The following TNIP3 variants were observed in gnomAD, a reference collection of about 807,000 sequenced individuals.
The protein encoded by TNIP3 is TNFAIP3 interacting protein 3.
Under a neutral mutation model 54.1 loss-of-function variants are expected in TNIP3, and 34 were observed. The ratio of observed to expected loss-of-function variants is 0.63; its 90% confidence interval spans 0.48 to 0.84. The LOEUF (loss-of-function observed/expected upper bound fraction) is 0.84. TNIP3 is among the 40% of genes least tolerant of loss of function. TNIP3 has a pLI of 0.00. For synonymous variants in TNIP3, 134 were observed against 136.8 expected (o/e 0.98, Z 0.14); for missense variants, 366 against 387.6 (o/e 0.94, Z 0.47).
intron 3 of TNIP3, among the ~76,000 whole-genome samples, chr4:121,176,576 C>T (rs909048960): frequency 6.6e-6 from 1 of 151,264 alleles, no homozygotes; most frequent in African/African-American, 2.4e-5. Flanking sequence ...TGGTTTAGCA[C>T]TTTATATTTA....
upstream of TNIP3, among the ~76,000 whole-genome samples, chr4:121,218,443 G>A (rs919102808): frequency 3.3e-5 from 5 of 152,172 alleles, no homozygotes; most frequent in Non-Finnish European, 7.4e-5. Flanking sequence ...TATCCAGGAA[G>A]TAAAAATATT....
upstream of TNIP3, among the ~76,000 whole-genome samples, chr4:121,167,888 G>A (rs76809568): frequency 0.022 from 3,337 of 152,162 alleles, 79 homozygotes; most frequent in Admixed American, 0.036. Context: ...TTGCTTAATT[G>A]TCATCTCTGC....
chr4:121,206,538 T>TTGTGTGTGTGTGTG (rs140121953), intron 2 of TNIP3, among the ~76,000 whole-genome samples: 6,667 of 151,526 alleles, frequency 0.044, 498 homozygotes, highest in African/African-American at 0.15. Context: ...TTTGTATATA[T>TTGTGTGTGTGTGTG]TGTGTGTGTG....
chr4:121,223,242 C>A (rs980178752), intron 1 of TNIP3, among the ~76,000 whole-genome samples: 1 of 152,230 alleles, frequency 6.6e-6, no homozygotes, highest in Non-Finnish European at 1.5e-5. Flanking sequence ...CAGATGCTCA[C>A]CCGCTTGAAA....
intron 2 of TNIP3, among the ~76,000 whole-genome samples, chr4:121,212,078 G>A (rs7693320): frequency 0.081 from 12,374 of 152,168 alleles, 1,047 homozygotes; most frequent in African/African-American, 0.21. Flanking sequence ...AACACTTTCT[G>A]GCATACAGTA....
intron 10 of TNIP3, among the ~76,000 whole-genome samples, chr4:121,137,165 G>T (rs1354679940): frequency 6.6e-6 from 1 of 152,194 alleles, no homozygotes; most frequent in South Asian, 2.1e-4. Flanking sequence ...ACTAAATTCT[G>T]TACTAAGTAA....
intron 2 of TNIP3, among the ~76,000 whole-genome samples, chr4:121,184,887 C>G (rs1009092909): frequency 3.9e-5 from 6 of 152,158 alleles, no homozygotes; most frequent in African/African-American, 1.4e-4. Context: ...TTCCACAAAC[C>G]TGTGAGGAGG....
intron 1 of TNIP3, among the ~76,000 whole-genome samples, chr4:121,221,945 A>G (rs985742281): frequency 6.6e-6 from 1 of 152,190 alleles, no homozygotes; most frequent in Non-Finnish European, 1.5e-5. Context: ...TTGAGGACTG[A>G]ATCTAAAAAA....
chr4:121,192,562 A>G (rs1042792421), intron 2 of TNIP3, among the ~76,000 whole-genome samples: 3 of 152,172 alleles, frequency 2.0e-5, no homozygotes, highest in Non-Finnish European at 4.4e-5. Context: ...TCGAGCTTTA[A>G]AACAGTTCAT....
At chr4:121,220,319 G>T (rs1226836892), upstream of TNIP3, among the ~76,000 whole-genome samples, 15 of 152,066 alleles carry the variant, frequency 9.9e-5, 1 homozygote, top group Admixed American at 9.8e-4. Context: ...TCATTGCTAG[G>T]CTCTGTTTTC....
At chr4:121,148,602 A>G (rs1306418301) in intron 6 of TNIP3, among the ~76,000 whole-genome samples, 1 of 152,184 alleles carries the variant, frequency 6.6e-6, no homozygotes, top group Admixed American at 6.5e-5. Context: ...TATTACCCTT[A>G]TTCTCTTCGT....
chr4:121,156,771 A>T (rs1318463299), intron 4 of TNIP3, among the ~76,000 whole-genome samples: 1 of 152,140 alleles, frequency 6.6e-6, no homozygotes, highest in Non-Finnish European at 1.5e-5. Flanking sequence ...AGAAAAAAAA[A>T]TTTCTCCTAG....
At chr4:121,215,271 C>T (rs1726721615) in intron 2 of TNIP3, among the ~76,000 whole-genome samples, 1 of 152,170 alleles carries the variant, frequency 6.6e-6, no homozygotes, top group Admixed American at 6.5e-5. Flanking sequence ...AATATGACTC[C>T]AGACACACAG....
At chr4:121,222,144 A>G (rs549139506) in intron 1 of TNIP3, among the ~76,000 whole-genome samples, 2 of 152,318 alleles carry the variant, frequency 1.3e-5, no homozygotes, top group South Asian at 4.1e-4. Context: ...CAATGTTGCT[A>G]TATTGCTCTT....
intron 1 of TNIP3, among the ~76,000 whole-genome samples, chr4:121,161,922 G>C (rs1231742304): frequency 6.6e-6 from 1 of 151,950 alleles, no homozygotes; most frequent in Non-Finnish European, 1.5e-5. Flanking sequence ...TGCCTAAATC[G>C]ACTAAGAACA....
intron 2 of TNIP3, among the ~76,000 whole-genome samples, chr4:121,185,555 A>G (rs1281066457): frequency 1.3e-5 from 2 of 152,120 alleles, no homozygotes; most frequent in Non-Finnish European, 2.9e-5. Flanking sequence ...TCAGTCTCTT[A>G]GCACACAGTA....
upstream of TNIP3, among the ~76,000 whole-genome samples, chr4:121,218,970 C>G (rs1030892602): frequency 1.3e-5 from 2 of 152,164 alleles, no homozygotes; most frequent in Non-Finnish European, 2.9e-5. Context: ...GAGGCCGAGG[C>G]AGGTGGATCA....
At chr4:121,154,394 G>T in intron 5 of TNIP3, 157 bp downstream of exon 5, 1 of 938,684 alleles carries the variant, frequency 1.1e-6, no homozygotes, top group Non-Finnish European at 1.6e-6. Context: ...ACTGAAAGCT[G>T]CAGCTAGGAG....
At chr4:121,151,157 C>T (rs1436827066) in intron 5 of TNIP3, among the ~76,000 whole-genome samples, 1 of 152,016 alleles carries the variant, frequency 6.6e-6, no homozygotes, top group African/African-American at 2.4e-5. Context: ...CCTGGTGTGG[C>T]CTCAGAGACC....
Sources: allele counts gnomAD v4.1 joint callset (sites outside exome capture counted in the v4.1 genomes callset), GRCh38; gene constraint gnomAD v4.1.1; transcripts MANE v1.5; gene names NCBI Gene and HGNC (gene_info 2026-07-23, HGNC 2026-07-21).